The following KDM4B variants were observed in gnomAD, a reference collection of about 807,000 sequenced individuals.
The protein encoded by KDM4B is lysine-specific demethylase 4B.
KDM4B carries 32 observed loss-of-function variants against 125.2 expected under a neutral mutation model. The observed-to-expected ratio is 0.26, with a 90% CI of 0.19 to 0.34. KDM4B has a LOEUF of 0.34. Among genes scored for constraint, KDM4B ranks in the 10% least tolerant of loss-of-function variants. KDM4B has a pLI of 1.00. For synonymous variants in KDM4B, 721 were observed against 677.9 expected (o/e 1.06, Z -0.99); for missense variants, 1,190 against 1,577.7 (o/e 0.75, Z 4.16).
intron 9 of KDM4B, among the ~76,000 whole-genome samples, chr19:5,107,140 G>A (rs1413633994): frequency 2.0e-5 from 3 of 152,196 alleles, no homozygotes; most frequent in South Asian, 4.1e-4. Flanking sequence ...GGCCAGATGC[G>A]CCCAGCTTCC....
chr19:5,110,808 C>A lies in KDM4B; in HGVS notation c.1105C>A (p.Leu369Ile). ...ATCCCGGGCCTCGCTGAAGGCCAAG[C>A]TCCTCCGCAGGTGAGTTGCCAAGGG... is the stretch of plus-strand genomic sequence containing the variant. ...SASRASLKAK[L>I]LRRSHRKRSQ... The change falls in exon 10 of 23, where the codon CTC becomes ATC. Residue 369 changes from leucine (L) to isoleucine (I), a missense_variant. Transcript: ENST00000159111. The A allele has an allele frequency of 6.3e-7, 1 of 1,583,810 alleles. No individual in the cohort carries two copies. The highest frequency in any genetic ancestry group is 8.6e-7 in the Non-Finnish European group (1 of 1,165,972).
chr19:5,121,753 TC>T (rs975944624), intron 11 of KDM4B, among the ~76,000 whole-genome samples: 3 of 152,062 alleles, frequency 2.0e-5, no homozygotes, highest in Admixed American at 6.6e-5. Flanking sequence ...ACTAACGGCT[TC>T]CCCCACATTC....
Position 5,114,754 on chromosome 19 carries a change from G to A in KDM4B, c.1115+3936G>A, listed in dbSNP as rs574989700. ...CTTGTGAGAAGCCCTGAGCCAGCGC[G>A]GCACTGAATGCTGATGGTCCCACTC... On this transcript the variant is annotated intron_variant, in intron 10 of 22. Coordinates refer to ENST00000159111, the MANE Select transcript of KDM4B (RefSeq NM_015015.3). This position sits in a 1 kb window ranked among gnomAD's most constrained non-coding sequence, Gnocchi z 5.8. Among the ~76,000 whole-genome samples, 16 of 152,330 alleles carry A rather than the reference G, an allele frequency of 1.1e-4. No homozygotes were observed. Among genetic ancestry groups the A allele is most frequent in the African/African-American group, 3.6e-4 (15 of 41,576 alleles).
At chr19:5,064,252 C>T (rs954101574) in intron 6 of KDM4B, among the ~76,000 whole-genome samples, 10 of 152,240 alleles carry the variant, frequency 6.6e-5, no homozygotes, top group Non-Finnish European at 1.2e-4. Context: ...GACACCTGGT[C>T]TCGGGTACTT....
chr19:4,984,447 G>A (rs560362204), intron 1 of KDM4B, among the ~76,000 whole-genome samples: 1 of 152,128 alleles, frequency 6.6e-6, no homozygotes, highest in South Asian at 2.1e-4. Context: ...ATTATAATGG[G>A]GCAGCCAGGT....
intron 14 of KDM4B, among the ~76,000 whole-genome samples, chr19:5,134,351 T>C (rs1018223907): frequency 7.9e-5 from 12 of 152,034 alleles, no homozygotes; most frequent in Non-Finnish European, 1.8e-4. Context: ...CCGTGTCTGG[T>C]GGGCGCTGAG....
chr19:4,996,542 T>G (rs79767564), intron 1 of KDM4B, among the ~76,000 whole-genome samples: 64 of 147,052 alleles, frequency 4.4e-4, no homozygotes, highest in African/African-American at 1.4e-3. Context: ...TCTGGCTAAT[T>G]TTTTTTTTTT....
chr19:4,997,061 C>T lies in KDM4B; in HGVS notation c.-108-19196C>T, dbSNP rs1012143473. On this transcript the variant is annotated intron_variant, in intron 1 of 22. Coordinates refer to ENST00000159111, the MANE Select transcript of KDM4B (RefSeq NM_015015.3). This position sits in a 1 kb window ranked among gnomAD's most constrained non-coding sequence, Gnocchi z 4.2. ...GTGGGTTCTTTGCATCCCTGGCCTC[C>T]ACCCCCTCCACGCCAGCACCACCCT... Among the ~76,000 whole-genome samples the T allele has an allele frequency of 7.2e-5, 11 of 152,124 alleles. No homozygotes were observed. The highest frequency in any genetic ancestry group is 2.4e-4 in the African/African-American group (10 of 41,410).
intron 1 of KDM4B, among the ~76,000 whole-genome samples, chr19:5,015,375 C>T (rs577363100): frequency 6.6e-6 from 1 of 152,144 alleles, no homozygotes; most frequent in African/African-American, 2.4e-5. Flanking sequence ...CCTCAGCCTC[C>T]TGAGTAGCTG....
chr19:5,146,319 T>C (rs1412799866), intron 21 of KDM4B, among the ~76,000 whole-genome samples: 1 of 152,106 alleles, frequency 6.6e-6, no homozygotes, highest in Non-Finnish European at 1.5e-5. Context: ...CTCCTTGCCA[T>C]GCAGGCTGGC....
Position 5,142,927 on chromosome 19 carries a change from G to A in KDM4B, c.2551-1040G>A, listed in dbSNP as rs2039771372. On this transcript the variant is annotated intron_variant, in intron 18 of 22. Coordinates refer to ENST00000159111, the MANE Select transcript of KDM4B (RefSeq NM_015015.3). The surrounding 1 kb of genome is among the most constrained non-coding windows in gnomAD (Gnocchi z 5.4). ...GGGTGTGGCGGCCGCCAGGGCCCCG[G>A]TGCTGGCTCGGGCAGGTGTTGCAGC... 6.6e-6 allele frequency among the ~76,000 whole-genome samples: 1 copy of A among 152,110 alleles called. No individual in the cohort carries two copies. Among genetic ancestry groups the A allele is most frequent in the Non-Finnish European group, 1.5e-5 (1 of 68,020 alleles).
At chr19:5,130,854 C>T (rs187797564) in intron 11 of KDM4B, among the ~76,000 whole-genome samples, 67 of 152,364 alleles carry the variant, frequency 4.4e-4, no homozygotes, top group Middle Eastern at 6.8e-3. Context: ...GCTGCGCCTG[C>T]GTTGTGGGGA....
At chr19:5,102,898 TATTGGGC>T (rs2038965871) in intron 9 of KDM4B, among the ~76,000 whole-genome samples, 1 of 152,240 alleles carries the variant, frequency 6.6e-6, no homozygotes, top group Non-Finnish European at 1.5e-5. Flanking sequence ...CTCCAGGTTT[TATTGGGC>T]ATTAATATTT....
rs145094269 is a variant in KDM4B, at chr19:4,996,298, C to G, written c.-108-19959C>G. On this transcript the variant is annotated intron_variant, in intron 1 of 22. Transcript: ENST00000159111. ...AGCTACTGCACCGAACTACTTTTTT[C>G]TCTTTTAAACAATGCTGCTGGCCAC... is the stretch of plus-strand genomic sequence containing the variant. Among the ~76,000 whole-genome samples, 665 of 152,222 alleles carry G rather than the reference C, an allele frequency of 4.4e-3. 21 individuals carry two copies. Among genetic ancestry groups the G allele is most frequent in the Admixed American group, 0.031 (477 of 15,276 alleles).
rs2039925849 is a variant in KDM4B, at chr19:5,150,399, G to T, written c.3063G>T (p.Gly1021=). Residue 1021 remains glycine, a synonymous_variant, in exon 22 of 23, where the codon GGG becomes GGT. Coordinates refer to ENST00000159111, the MANE Select transcript of KDM4B (RefSeq NM_015015.3). ...EDGSQLTVKR[G]DIFTLEEELP... is the part of the protein sequence containing the mutation. ...GGTCCCAGCTGACGGTGAAGCGTGG[G>T]GACATCTTCACCCTGGAGGAGGAGC... 1 of 1,551,434 alleles carries T rather than the reference G, an allele frequency of 6.4e-7. No homozygotes were observed. Among genetic ancestry groups the T allele is most frequent in the Admixed American group, 2.0e-5 (1 of 51,020 alleles).
At position 5,131,872 on chromosome 19, in the gene KDM4B, T is replaced by C. The variant is rs757441059; in HGVS notation, c.1786-15T>C. ...CTGTAGCGGGGCCCTCACTACAGCCTGTTGTGTGTTTCAGGCACCGTCCAC... is the reference window on the plus strand; with the variant it reads ...CTGTAGCGGGGCCCTCACTACAGCCCGTTGTGTGTTTCAGGCACCGTCCAC... On this transcript the variant is annotated splice_polypyrimidine_tract_variant and intron_variant, in intron 12 of 22. Coordinates refer to ENST00000159111, the MANE Select transcript of KDM4B (RefSeq NM_015015.3). 1 of 1,612,628 alleles carries C rather than the reference T, an allele frequency of 6.2e-7. No homozygotes were observed. The highest frequency in any genetic ancestry group is 1.7e-5 in the Admixed American group (1 of 59,996).
At chr19:4,969,649 A>C (rs2034177621) in intron 1 of KDM4B, among the ~76,000 whole-genome samples, 1 of 151,980 alleles carries the variant, frequency 6.6e-6, no homozygotes, top group Admixed American at 6.5e-5. Context: ...GAAAGAAAGC[A>C]AGAAAAAGGA....
chr19:5,091,828 G>A lies in KDM4B; in HGVS notation c.918+9324G>A, dbSNP rs544044029. Among the ~76,000 whole-genome samples the A allele has an allele frequency of 2.6e-3, 400 of 152,260 alleles. 1 individual carries two copies. The highest frequency in any genetic ancestry group is 4.5e-3 in the Non-Finnish European group (306 of 67,998). ...ACTCCTCTGACCCGCTGGAGCCCAC[G>A]GCTGGCCTGTGCCCTGCCTTTGGCT... On this transcript the variant is annotated intron_variant, in intron 9 of 22. Transcript: ENST00000159111.
At chr19:4,981,614 A>G (rs979037859) in intron 1 of KDM4B, among the ~76,000 whole-genome samples, 5 of 151,928 alleles carry the variant, frequency 3.3e-5, no homozygotes, top group Admixed American at 2.0e-4. Flanking sequence ...AGCCCCCCCC[A>G]CCACGCCGGG....
Sources: allele counts gnomAD v4.1 joint callset (sites outside exome capture counted in the v4.1 genomes callset), GRCh38; gene constraint gnomAD v4.1.1; non-coding constraint Gnocchi (gnomAD v3.1); transcripts MANE v1.5; gene names NCBI Gene and HGNC (gene_info 2026-07-23, HGNC 2026-07-21).